The following THSD4 variants were observed in gnomAD, a reference collection of about 807,000 sequenced individuals.
THSD4 encodes the protein thrombospondin type-1 domain-containing protein 4.
THSD4 carries 69 observed loss-of-function variants against 119.0 expected under a neutral mutation model. The observed-to-expected ratio is 0.58, with a 90% confidence interval of 0.48 to 0.71. The LOEUF is 0.71. THSD4 is among the 30% of genes least tolerant of loss of function. The pLI is 0.00. For missense variants in THSD4, 1,393 were observed against 1,391.1 expected, an observed-to-expected ratio of 1.00 and a Z score of -0.02; for synonymous variants, 524 against 540.4, an observed-to-expected ratio of 0.97 and a Z score of 0.42.
Position 71,270,154 on chromosome 15 carries a change from G to A in THSD4, c.1015+13439G>A, listed in dbSNP as rs148027013. ...GCCCATATAGCCAAGACAATCTTAAGCAAAAAGAACAAAGCTGGAGGCATC... is the reference window on the plus strand; with the variant it reads ...GCCCATATAGCCAAGACAATCTTAAACAAAAAGAACAAAGCTGGAGGCATC... On this transcript the variant is annotated intron_variant, in intron 6 of 17. Transcript: ENST00000261862. 3.0e-3 allele frequency among the ~76,000 whole-genome samples: 462 copies of A among 152,228 alleles called. 8 individuals carry two copies. The highest frequency in any genetic ancestry group is 0.01 in the African/African-American group (427 of 41,542).
At chr15:71,580,786 T>C (rs1006473663) in intron 7 of THSD4, among the ~76,000 whole-genome samples, 1 of 152,200 alleles carries the variant, frequency 6.6e-6, no homozygotes, top group African/African-American at 2.4e-5. Context: ...CATAATGTAC[T>C]CCAGGTTCAT....
At chr15:71,374,882 T>C (rs1377273272) in intron 6 of THSD4, among the ~76,000 whole-genome samples, 2 of 152,214 alleles carry the variant, frequency 1.3e-5, no homozygotes, top group Non-Finnish European at 2.9e-5. Context: ...TTAATCACCA[T>C]GCACAGACGT....
intron 1 of THSD4, among the ~76,000 whole-genome samples, chr15:71,119,780 C>T (rs900950256): frequency 1.3e-5 from 2 of 152,236 alleles, no homozygotes; most frequent in Admixed American, 6.5e-5. Flanking sequence ...CCTGCAGGCA[C>T]GGTGAGTTGA....
At chr15:71,251,992 G>A (rs1426050684) in intron 5 of THSD4, among the ~76,000 whole-genome samples, 2 of 152,206 alleles carry the variant, frequency 1.3e-5, no homozygotes, top group Non-Finnish European at 2.9e-5. Context: ...TAAAAGTCCA[G>A]TGGAAACATC....
At chr15:71,199,857 TG>T (rs2043778620) in intron 3 of THSD4, among the ~76,000 whole-genome samples, 1 of 144,528 alleles carries the variant, frequency 6.9e-6, no homozygotes, top group Non-Finnish European at 1.5e-5. Context: ...GTGTGATGCA[TG>T]TGTGGGGTGT....
intron 7 of THSD4, among the ~76,000 whole-genome samples, chr15:71,481,776 T>C (rs1263631688): frequency 6.6e-6 from 1 of 152,258 alleles, no homozygotes; most frequent in Non-Finnish European, 1.5e-5. Context: ...TATTATTTTC[T>C]CACCTTATTA....
chr15:71,280,254 T>C (rs1596311572), intron 6 of THSD4, among the ~76,000 whole-genome samples: 1 of 152,092 alleles, frequency 6.6e-6, no homozygotes, highest in Admixed American at 6.5e-5. Context: ...TAGGACGAGG[T>C]TGGCCTGGAA....
At chr15:71,755,668 G>A (rs528182736) in intron 14 of THSD4, among the ~76,000 whole-genome samples, 9 of 119,266 alleles carry the variant, frequency 7.5e-5, no homozygotes, top group Admixed American at 1.2e-4. Context: ...GAGATGATTC[G>A]TTAGTTCCTG....
chr15:71,710,822 T>C (rs2173875), intron 8 of THSD4, among the ~76,000 whole-genome samples: 142,711 of 152,106 alleles, frequency 0.94, 67,679 homozygotes, highest in East Asian at 1. Context: ...GTATCAAAGC[T>C]GTAACTTACA....
chr15:71,374,969 C>T (rs964613992), intron 6 of THSD4, among the ~76,000 whole-genome samples: 1 of 152,046 alleles, frequency 6.6e-6, no homozygotes, highest in African/African-American at 2.4e-5. Flanking sequence ...ACCTGTCCTG[C>T]GGGTATTTAG....
At position 71,731,310 on chromosome 15, in the gene THSD4, G is replaced by A. The variant is rs144036033; in HGVS notation, c.1630+93G>A. 2.5e-3 allele frequency: 3,111 copies of A among 1,243,132 alleles called. 9 individuals carry two copies. Among genetic ancestry groups the A allele is most frequent in the Non-Finnish European group, 3.2e-3 (2,765 of 859,250 alleles). 77.0% of individuals were successfully genotyped at this position (1,243,132 alleles called of 1,614,324 possible). A position where few individuals can be genotyped will look rare whatever the true frequency, so the allele number is the denominator to read the frequency against. ...CTTGTGCATCCACCCTCTGTCTCTC[G>A]GTCAACACAGAGAAAATTGAGGGAC... On this transcript the variant is annotated intron_variant, in intron 10 of 17. Coordinates refer to ENST00000261862, the MANE Select transcript of THSD4 (RefSeq NM_024817.3).
intron 7 of THSD4, among the ~76,000 whole-genome samples, chr15:71,476,269 T>C: frequency 6.6e-6 from 1 of 152,180 alleles, no homozygotes; most frequent in East Asian, 1.9e-4. Flanking sequence ...TCTCGTGCTA[T>C]CACCCAGGCT....
upstream of THSD4, among the ~76,000 whole-genome samples, chr15:71,114,592 G>A (rs1368155755): frequency 6.6e-6 from 1 of 152,128 alleles, no homozygotes; most frequent in Non-Finnish European, 1.5e-5. Context: ...TCTGAATTAG[G>A]ACTCAAGAAA....
At chr15:71,156,703 T>A (rs528544290) in intron 3 of THSD4, among the ~76,000 whole-genome samples, 1 of 152,240 alleles carries the variant, frequency 6.6e-6, no homozygotes, top group African/African-American at 2.4e-5. Context: ...ATTTATTTTC[T>A]GTTTGGGCTC....
In THSD4 at chr15:71,621,554, T is replaced by C. The variant is rs2050418602; in HGVS notation, c.1153-38976T>C. ...TAATATTGTACCTATTAAATAATCA[T>C]GTGTACATTTCCATTGGAGTGTTAA... On this transcript the variant is annotated intron_variant, in intron 7 of 17. Coordinates refer to ENST00000261862, the MANE Select transcript of THSD4 (RefSeq NM_024817.3). 2.0e-5 allele frequency among the ~76,000 whole-genome samples: 3 copies of C among 152,220 alleles called. No homozygotes were observed. The South Asian group carries it at 6.2e-4, about 31-fold the overall frequency.
At chr15:71,529,537 C>T (rs2048578537) in intron 7 of THSD4, among the ~76,000 whole-genome samples, 1 of 152,168 alleles carries the variant, frequency 6.6e-6, no homozygotes, top group Non-Finnish European at 1.5e-5. Context: ...CAATTGAAAG[C>T]TGGGGTTAGT....
chr15:71,521,767 C>T (rs955248349), intron 7 of THSD4, among the ~76,000 whole-genome samples: 2 of 152,108 alleles, frequency 1.3e-5, no homozygotes, highest in African/African-American at 4.8e-5. Context: ...CCTCTGAGCT[C>T]CTTGGAGAAA....
rs1294375341 is a variant in THSD4 at position 71,199,598 on chromosome 15, TGTATG to T, written c.100-15434_100-15430del. Among the ~76,000 whole-genome samples, 749 of 133,372 alleles carry T rather than the reference TGTATG, an allele frequency of 5.6e-3. 11 individuals are homozygous for T. The highest frequency in any genetic ancestry group is 0.022 in the African/African-American group (716 of 33,018). 87.5% of individuals were successfully genotyped at this position (133,372 alleles called of 152,430 possible). A position where few individuals can be genotyped will look rare whatever the true frequency, so the allele number is the denominator to read the frequency against. On this transcript the variant is annotated intron_variant, in intron 3 of 17. Transcript: ENST00000261862. ...AGTGTGTGTGTGTGGGTGTGTGTGATGTATGGTGTGTGTGGTGTGTGGGTGTGTGG... is the reference window on the plus strand; with the variant it reads ...AGTGTGTGTGTGTGGGTGTGTGTGATGTGTGTGTGGTGTGTGGGTGTGTGG...
intron 6 of THSD4, among the ~76,000 whole-genome samples, chr15:71,326,692 AAAAAAAAAATATATAT>A (rs1360841925): frequency 5.9e-4 from 8 of 13,522 alleles, no homozygotes; most frequent in Non-Finnish European, 1.3e-3. Flanking sequence ...AAAAAAAAAA[AAAAAAAAAATATATAT>A]ATATATATAT....
Sources: allele counts gnomAD v4.1 joint callset (sites outside exome capture counted in the v4.1 genomes callset), GRCh38; gene constraint gnomAD v4.1.1; transcripts MANE v1.5; gene names NCBI Gene and HGNC (gene_info 2026-07-23, HGNC 2026-07-21).